The following MRE11 variants were observed in gnomAD, a reference collection of about 807,000 sequenced individuals.
The protein encoded by MRE11 is double-strand break repair protein MRE11.
A neutral mutation model predicts 91.7 loss-of-function variants in MRE11; 62 were observed. The observed-to-expected ratio is 0.68, with a 90% CI of 0.55 to 0.84. The LOEUF is 0.84. Among genes scored for constraint, MRE11 ranks in the 40% least tolerant of loss-of-function variants. MRE11 has a pLI of 0.00. For synonymous variants in MRE11, 273 were observed against 271.4 expected, an observed-to-expected ratio of 1.01 and a Z score of -0.06; for missense variants, 796 against 852.9, an observed-to-expected ratio of 0.93 and a Z score of 0.83.
intron 13 of MRE11, 70 bp downstream of exon 13, chr11:94,459,338 A>C: frequency 6.5e-7 from 1 of 1,538,820 alleles, no homozygotes; most frequent in Non-Finnish European, 9.0e-7. Flanking sequence ...ATTTACCAGA[A>C]AAAAATCTCA....
rs535836447 is a variant in MRE11 at position 94,430,677 on chromosome 11, G to A, written c.1995-691C>T. Among the ~76,000 whole-genome samples the A allele has an allele frequency of 3.9e-5, 6 of 152,026 alleles. No individual in the cohort carries two copies. The South Asian group carries it at 1.2e-3, about 32-fold the overall frequency. ...GGGTTTCACCAGGTTGGCCAGGATGGTCTCTATCTCCTCTATCTCTTGACC... is the reference window on the plus strand; with the variant it reads ...GGGTTTCACCAGGTTGGCCAGGATGATCTCTATCTCCTCTATCTCTTGACC... On this transcript the variant is annotated intron_variant, in intron 18 of 19. Coordinates refer to ENST00000323929, the MANE Select transcript of MRE11 (RefSeq NM_005591.4).
chr11:94,479,587 T>G, intron 5 of MRE11, 87 bp downstream of exon 5: 14 of 1,141,604 alleles, frequency 1.2e-5, no homozygotes, highest in African/African-American at 1.5e-5. Flanking sequence ...GACTACACAA[T>G]GAGAAAAAGG....
intron 13 of MRE11, 28 bp from the exon 14 acceptor site, chr11:94,456,366 C>T (rs1303673378): frequency 6.4e-7 from 1 of 1,558,504 alleles, no homozygotes; most frequent in South Asian, 1.1e-5. Context: ...AAATCACAAA[C>T]ATGTTGCCTA....
At chr11:94,420,996 C>T (rs1318154574) in intron 19 of MRE11, among the ~76,000 whole-genome samples, 1 of 151,476 alleles carries the variant, frequency 6.6e-6, no homozygotes, top group Non-Finnish European at 1.5e-5. Context: ...CGTGCCACTG[C>T]ACTCCAGCCT....
intron 4 of MRE11, among the ~76,000 whole-genome samples, chr11:94,483,194 T>C (rs1210778027): frequency 6.6e-6 from 1 of 152,190 alleles, no homozygotes; most frequent in Non-Finnish European, 1.5e-5. Flanking sequence ...AAATATGGGC[T>C]GGGCATGGTG....
intron 3 of MRE11, among the ~76,000 whole-genome samples, chr11:94,488,908 T>C (rs1034021226): frequency 2.0e-5 from 3 of 152,112 alleles, no homozygotes; most frequent in Non-Finnish European, 2.9e-5. Context: ...TTTACCTATG[T>C]AACAAACCTG....
chr11:94,445,633 C>T (rs775480094), intron 16 of MRE11, 177 bp downstream of exon 16: 145 of 593,968 alleles, frequency 2.4e-4, no homozygotes, highest in Non-Finnish European at 4.0e-4. Flanking sequence ...TAAAAGCTTA[C>T]CCTCTTCAGT....
chr11:94,485,801 A>G, intron 4 of MRE11, 123 bp downstream of exon 4: 1 of 941,974 alleles, frequency 1.1e-6, no homozygotes, highest in Non-Finnish European at 1.6e-6. Context: ...AAAAAAATTC[A>G]AAGAATGATA....
At chr11:94,500,729 T>C in the MRE11 span, among the ~76,000 whole-genome samples, 2 of 152,160 alleles carry the variant, frequency 1.3e-5, no homozygotes, top group South Asian at 4.1e-4. Context: ...AATATGCTTT[T>C]CCAGGGAGCC....
intron 14 of MRE11, among the ~76,000 whole-genome samples, chr11:94,448,440 G>T (rs1946005542): frequency 6.6e-6 from 1 of 151,162 alleles, no homozygotes; most frequent in African/African-American, 2.4e-5. Context: ...AAACACAAAA[G>T]AACAAAATTA....
At chr11:94,505,563 AT>A in the MRE11 span, among the ~76,000 whole-genome samples, 2 of 152,254 alleles carry the variant, frequency 1.3e-5, no homozygotes, top group Non-Finnish European at 2.9e-5. Context: ...TTATTACAAG[AT>A]TTAAAATGTT....
At position 94,464,125 on chromosome 11, in the gene MRE11, T is replaced by G. The variant is rs1436713790; in HGVS notation, c.1213A>C (p.Lys405Gln). The G allele has an allele frequency of 6.2e-7, 1 of 1,613,602 alleles. No homozygotes were observed. The highest frequency in any genetic ancestry group is 1.7e-5 in the Admixed American group (1 of 60,030). The stretch of plus-strand genomic sequence containing the variant: ...ATAACTAGCTTACCTGTTTTTTCCT[T>G]TTGTTCTCTATGCCTGAAAAAATGG... ...IIHFFRHREQ[K>Q]EKTGEEINFG... Residue 405 changes from lysine to glutamine, a missense_variant, in exon 11 of 20, where the codon AAG becomes CAG. Lys to Gln is a moderately conservative substitution (Grantham distance 53). Coordinates refer to ENST00000323929, the MANE Select transcript of MRE11 (RefSeq NM_005591.4).
chr11:94,433,355 T>C (rs1945516357), intron 18 of MRE11, among the ~76,000 whole-genome samples: 1 of 152,252 alleles, frequency 6.6e-6, no homozygotes, highest in Non-Finnish European at 1.5e-5. Context: ...AATACCTTTG[T>C]AGTGCTCACC....
At chr11:94,502,467 A>G in the MRE11 span, among the ~76,000 whole-genome samples, 5 of 152,036 alleles carry the variant, frequency 3.3e-5, no homozygotes, top group Non-Finnish European at 7.4e-5. Flanking sequence ...CTTTAATATT[A>G]TTTTTATGTA....
At position 94,415,816 on chromosome 11, in the gene MRE11, G is replaced by A. The variant is rs939515504; in HGVS notation, c.*4309C>T. ...CAATCTGGGGTTCTTATCGATTGAT[G>A]GATAGATTGATTGAGACAGAGTCTT... is the stretch of plus-strand genomic sequence containing the variant. On this transcript the variant is annotated 3_prime_UTR_variant, in exon 20 of 20. Transcript: ENST00000323929. 8 of 152,152 alleles carry A rather than the reference G, an allele frequency of 5.3e-5. No homozygotes were observed. The highest frequency in any genetic ancestry group is 1.2e-4 in the Non-Finnish European group (8 of 68,044). 9.4% of individuals were successfully genotyped at this position (152,152 alleles called of 1,614,324 possible).
chr11:94,427,484 A>C (rs1434921857), intron 19 of MRE11, among the ~76,000 whole-genome samples: 1 of 152,204 alleles, frequency 6.6e-6, no homozygotes, highest in East Asian at 1.9e-4. Context: ...AACTGGAAAA[A>C]GATAAGAATG....
At chr11:94,474,287 A>G (rs1276694257) in intron 7 of MRE11, among the ~76,000 whole-genome samples, 1 of 152,004 alleles carries the variant, frequency 6.6e-6, no homozygotes, top group Non-Finnish European at 1.5e-5. Context: ...AGGTGCCAAA[A>G]AGCTAACTAA....
At chr11:94,489,277 A>G (rs189798291) in intron 3 of MRE11, among the ~76,000 whole-genome samples, 114 of 152,024 alleles carry the variant, frequency 7.5e-4, no homozygotes, top group African/African-American at 2.6e-3. Context: ...TCCAAGCAGA[A>G]AGAACTAGAT....
chr11:94,446,009 G>C lies in MRE11; in HGVS notation c.1784-116C>G, dbSNP rs104895014. On this transcript the variant is annotated intron_variant, in intron 15 of 19. Transcript: ENST00000323929. ...ATGTCAAATAGTTTGTCTGTAAAAAGCCAGACATATATATAAGAACAAACA... is the reference window on the plus strand; with the variant it reads ...ATGTCAAATAGTTTGTCTGTAAAAACCCAGACATATATATAAGAACAAACA... 1.7e-5 allele frequency: 13 copies of C among 784,208 alleles called. No homozygotes were observed. Among genetic ancestry groups the C allele is most frequent in the Non-Finnish European group, 2.4e-5 (11 of 449,764 alleles). 48.6% of individuals were successfully genotyped at this position (784,208 alleles called of 1,614,324 possible). A position where few individuals can be genotyped will look rare whatever the true frequency, so the allele number is the denominator to read the frequency against.
Sources: gnomAD v4.1 joint callset for allele counts (sites outside exome capture counted in the v4.1 genomes callset) on GRCh38, gnomAD v4.1.1 for gene constraint, MANE v1.5 for transcripts, NCBI Gene and HGNC (gene_info 2026-07-23, HGNC 2026-07-21) for gene names.